Variants in ATP5PO observed in about 807,000 individuals in gnomAD.
The protein encoded by ATP5PO is ATP synthase peripheral stalk subunit OSCP, mitochondrial.
In ATP5PO, 14 loss-of-function variants were observed where a neutral mutation model predicts 26.2. The observed-to-expected ratio is 0.53, with a 90% CI of 0.35 to 0.83. The LOEUF (loss-of-function observed/expected upper bound fraction) is 0.83. Ranked by LOEUF, ATP5PO falls within the 40% of genes least tolerant of loss-of-function variation. The probability of loss-of-function intolerance (pLI) is 0.01; values close to 1 mark genes in which losing one functional copy is unlikely to be tolerated. For synonymous variants in ATP5PO, 106 were observed against 95.1 expected (o/e 1.12, Z -0.67); for missense variants, 241 against 258.5 (o/e 0.93, Z 0.46).
rs376527368 is a variant in ATP5PO, at chr21:33,909,151, T to A, written c.259A>T (p.Ile87Phe). Residue 87 changes from isoleucine to phenylalanine, a missense_variant, in exon 4 of 7, where the codon ATT (isoleucine) becomes TTT (phenylalanine). Ile to Phe is a conservative substitution (Grantham distance 21). Transcript: ENST00000290299. ...ATGTCATTTAGGCTTTTCACTTTAATGGAACGCTTCACATAGGGATTCAAA... is the reference window on the plus strand; with the variant it reads ...ATGTCATTTAGGCTTTTCACTTTAAAGGAACGCTTCACATAGGGATTCAAA... Reference protein sequence around the residue: ...SVLNPYVKRSIKVKSLNDITA... With the variant: ...SVLNPYVKRSFKVKSLNDITA... The A allele has an allele frequency of 1.2e-6, 2 of 1,613,744 alleles. No individual in the cohort carries two copies. Among genetic ancestry groups the A allele is most frequent in the East Asian group, 2.2e-5 (1 of 44,896 alleles).
At chr21:33,915,525 C>G in intron 1 of ATP5PO, 2 of 708,864 alleles carry the variant, frequency 2.8e-6, no homozygotes, top group Admixed American at 7.3e-5. Context: ...TTACGGCACG[C>G]GCAGCCCCGC....
intron 5 of ATP5PO, among the ~76,000 whole-genome samples, chr21:33,905,267 C>T (rs1472201323): frequency 6.6e-6 from 1 of 152,138 alleles, no homozygotes; most frequent in Non-Finnish European, 1.5e-5. Context: ...TCCACTGAGA[C>T]ATGTACCAAC....
chr21:33,909,026 C>T (rs1300282910), intron 4 of ATP5PO, 56 bp downstream of exon 4: 1 of 1,526,656 alleles, frequency 6.6e-7, no homozygotes, highest in Non-Finnish European at 8.9e-7. Flanking sequence ...AGTCCATGGA[C>T]CACATTTCCA....
At chr21:33,908,912 A>T in intron 4 of ATP5PO, 170 bp downstream of exon 4, 1 of 675,816 alleles carries the variant, frequency 1.5e-6, no homozygotes, top group Non-Finnish European at 2.3e-6. Flanking sequence ...CAAACGATTC[A>T]CTTAGGGAGC....
At chr21:33,910,632 A>G (rs1987235199) in intron 3 of ATP5PO, among the ~76,000 whole-genome samples, 1 of 152,218 alleles carries the variant, frequency 6.6e-6, no homozygotes, top group South Asian at 2.1e-4. Flanking sequence ...ATAACTGACA[A>G]GTAGCAGACA....
At chr21:33,915,523 C>T in intron 1 of ATP5PO, 2 of 692,956 alleles carry the variant, frequency 2.9e-6, no homozygotes, top group Non-Finnish European at 4.5e-6. Context: ...GGTTACGGCA[C>T]GCGCAGCCCC....
At chr21:33,911,621 C>T (rs1987248071) in intron 3 of ATP5PO, among the ~76,000 whole-genome samples, 1 of 147,634 alleles carries the variant, frequency 6.8e-6, no homozygotes, top group African/African-American at 2.5e-5. Context: ...TCAGTAAAAC[C>T]AAATCACAAT....
chr21:33,903,673 G>A (rs1335400101), intron 6 of ATP5PO, 34 bp from the exon 7 acceptor site: 12 of 1,600,484 alleles, frequency 7.5e-6, no homozygotes, highest in Middle Eastern at 3.3e-4. Flanking sequence ...ATGTGAAAAC[G>A]CGCTAATCAA....
At chr21:33,908,994 A>T in intron 4 of ATP5PO, 88 bp downstream of exon 4, 1 of 1,399,414 alleles carries the variant, frequency 7.1e-7, no homozygotes, top group East Asian at 2.3e-5. Context: ...ACAGGCTCCC[A>T]GGTGATGCTG....
Position 33,903,931 on chromosome 21 carries a change from C to T in ATP5PO, c.528+4G>A, listed in dbSNP as rs1202438926. ...AAACGTACCATAAATAATTTAAAAC[C>T]TACCTTAGCCTCCAATTTCAATACT... On this transcript the variant is annotated splice_donor_region_variant and intron_variant, in intron 6 of 6. Coordinates refer to ENST00000290299, the MANE Select transcript of ATP5PO (RefSeq NM_001697.3). The T allele has an allele frequency of 8.1e-6, 13 of 1,598,724 alleles. No individual in the cohort carries two copies. Among genetic ancestry groups the T allele is most frequent in the Non-Finnish European group, 1.1e-5 (13 of 1,172,416 alleles).
chr21:33,912,566 A>T (rs1987263540), intron 2 of ATP5PO, among the ~76,000 whole-genome samples, 167 bp from the exon 3 acceptor site: 1 of 152,220 alleles, frequency 6.6e-6, no homozygotes, highest in Admixed American at 6.5e-5. Context: ...TTTGCAAATA[A>T]ATTAGCGATG....
At chr21:33,906,029 C>T (rs1987168086) in intron 5 of ATP5PO, among the ~76,000 whole-genome samples, 1 of 151,930 alleles carries the variant, frequency 6.6e-6, no homozygotes, top group African/African-American at 2.4e-5. Context: ...TAATCTGTGC[C>T]ACACTGTTAG....
intron 3 of ATP5PO, among the ~76,000 whole-genome samples, chr21:33,910,430 C>T (rs576441956): frequency 2.2e-4 from 33 of 152,306 alleles, no homozygotes; most frequent in Admixed American, 1.6e-3. Flanking sequence ...ATCCAGAGGA[C>T]AGTGCGTATC....
intron 6 of ATP5PO, 145 bp from the exon 7 acceptor site, chr21:33,903,784 C>G: frequency 1.9e-6 from 2 of 1,074,410 alleles, no homozygotes; most frequent in Non-Finnish European, 2.6e-6. Context: ...ACTGCACAGT[C>G]AGATAATCAT....
chr21:33,908,797 G>GT, intron 4 of ATP5PO: 1 of 299,176 alleles, frequency 3.3e-6, no homozygotes, highest in South Asian at 1.2e-4. Flanking sequence ...CATTTTCTTG[G>GT]TAGGTATCAC....
At position 33,903,602 on chromosome 21, in the gene ATP5PO, A is replaced by G; in HGVS notation, c.566T>C (p.Ile189Thr). 2 of 1,614,212 alleles carry G rather than the reference A, an allele frequency of 1.2e-6. No homozygotes were observed. The highest frequency in any genetic ancestry group is 1.7e-6 in the Non-Finnish European group (2 of 1,180,028). Residue 189 changes from isoleucine to threonine, a missense_variant, in exon 7 of 7, where the codon ATT (isoleucine) becomes ACT (threonine). This residue lies in a region of ATP5PO where 77 missense variants were observed against 74.5 expected (regional missense o/e 1.03). Transcript: ENST00000290299. ...AGACATGTCAACATATTTCTCGCCA[A>G]TGCGCACAATCATTCCACCCAAGAT... Reference protein sequence around the residue: ...PSILGGMIVRIGEKYVDMSVK... With the variant: ...PSILGGMIVRTGEKYVDMSVK...
chr21:33,907,280 C>T, intron 5 of ATP5PO, 61 bp downstream of exon 5: 3 of 1,419,566 alleles, frequency 2.1e-6, no homozygotes, highest in Admixed American at 3.8e-5. Context: ...CCCTTTTCTT[C>T]CTGCAAAAGG....
intron 5 of ATP5PO, 68 bp downstream of exon 5, chr21:33,907,272 CT>C: frequency 2.2e-6 from 3 of 1,384,716 alleles, no homozygotes; most frequent in Non-Finnish European, 3.0e-6. Context: ...CTGTTTTTCC[CT>C]TTTCTTCCTG....
intron 3 of ATP5PO, among the ~76,000 whole-genome samples, chr21:33,911,924 A>G (rs1386368480): frequency 6.6e-6 from 1 of 152,112 alleles, no homozygotes; most frequent in Non-Finnish European, 1.5e-5. Flanking sequence ...TCAGCCTCCC[A>G]AAGTACTGGG....
Sources: allele counts gnomAD v4.1 joint callset (sites outside exome capture counted in the v4.1 genomes callset), GRCh38; gene constraint gnomAD v4.1.1; regional missense constraint gnomAD v4.1.1; transcripts MANE v1.5; gene names NCBI Gene and HGNC (gene_info 2026-07-23, HGNC 2026-07-21).